The following CHD9 variants were observed in gnomAD, a reference collection of about 807,000 sequenced individuals.
CHD9 encodes the protein ATP-dependent chromatin remodeler CHD9.
Under a neutral mutation model 316.1 loss-of-function variants are expected in CHD9, and 77 were observed. The ratio of observed to expected loss-of-function variants is 0.24; its 90% CI spans 0.20 to 0.29. The LOEUF is 0.29. Among genes scored for constraint, CHD9 ranks in the 10% least tolerant of loss-of-function variants. CHD9 has a pLI of 1.00. For missense variants in CHD9, 2,763 were observed against 3,438.1 expected, an observed-to-expected ratio of 0.80 and a Z score of 4.91; for synonymous variants, 1,129 against 1,158.3, an observed-to-expected ratio of 0.97 and a Z score of 0.51.
intron 2 of CHD9, among the ~76,000 whole-genome samples, chr16:53,175,522 T>TC (rs1345730225): frequency 6.6e-6 from 1 of 152,240 alleles, no homozygotes; most frequent in Non-Finnish European, 1.5e-5. Flanking sequence ...TCCCTATTAC[T>TC]CCATCTTGGC....
chr16:53,210,121 A>G (rs1050896176), intron 3 of CHD9, among the ~76,000 whole-genome samples: 2 of 152,136 alleles, frequency 1.3e-5, no homozygotes, highest in Non-Finnish European at 2.9e-5. Context: ...TGAAATCCAT[A>G]TTGCTGTGCC....
In CHD9 at chr16:53,307,675, T is replaced by C. The variant is rs769472382; in HGVS notation, c.6781-6T>C. On this transcript the variant is annotated splice_region_variant and splice_polypyrimidine_tract_variant and intron_variant, in intron 32 of 38. Coordinates refer to ENST00000447540, the MANE Select transcript of CHD9 (RefSeq NM_001308319.2). ...AATTACACTTTGATGTTGCACGCTT[T>C]TCTAGGATCGTGTGATGATCAATAG... 1.3e-6 allele frequency: 2 copies of C among 1,596,012 alleles called. No individual in the cohort carries two copies. Among genetic ancestry groups the C allele is most frequent in the Admixed American group, 3.5e-5 (2 of 56,954 alleles).
intron 33 of CHD9, among the ~76,000 whole-genome samples, chr16:53,308,231 A>G (rs1281340739): frequency 6.6e-6 from 1 of 152,162 alleles, no homozygotes; most frequent in African/African-American, 2.4e-5. Flanking sequence ...GTTCTTTTAT[A>G]TAGTATTTAA....
At chr16:53,101,061 C>G (rs1346464145) in intron 1 of CHD9, among the ~76,000 whole-genome samples, 3 of 152,158 alleles carry the variant, frequency 2.0e-5, no homozygotes, top group Non-Finnish European at 2.9e-5. Flanking sequence ...GGTGTGTTCA[C>G]AAGTGTAAAT....
chr16:53,319,657 C>A (rs1002370477), intron 37 of CHD9, among the ~76,000 whole-genome samples: 2 of 152,050 alleles, frequency 1.3e-5, no homozygotes, highest in Non-Finnish European at 2.9e-5. Flanking sequence ...TTTGTCTTAG[C>A]CAATTTTAAG....
At chr16:53,320,968 T>C (rs928095227) in intron 37 of CHD9, among the ~76,000 whole-genome samples, 11 of 152,134 alleles carry the variant, frequency 7.2e-5, no homozygotes, top group African/African-American at 2.7e-4. Flanking sequence ...GTTTGAAAAA[T>C]AGAAATAATA....
chr16:53,095,466 T>C (rs1431903392), intron 1 of CHD9, among the ~76,000 whole-genome samples: 3 of 151,976 alleles, frequency 2.0e-5, no homozygotes, highest in Non-Finnish European at 4.4e-5. Flanking sequence ...GGAGGATTGC[T>C]TGAGCCCAGG....
chr16:53,208,370 GGGA>G (rs1224565501), intron 2 of CHD9: 1 of 1,278,362 alleles, frequency 7.8e-7, no homozygotes, highest in Non-Finnish European at 1.0e-6. Flanking sequence ...CTGAATGAGT[GGGA>G]GGAGGAGGGG....
chr16:53,072,440 C>A (rs952811216), intron 1 of CHD9, among the ~76,000 whole-genome samples: 1 of 134,102 alleles, frequency 7.5e-6, no homozygotes, highest in Non-Finnish European at 1.5e-5. Context: ...TGCTCTGTTG[C>A]TCAGGCTAGA....
chr16:53,257,081 G>C (rs1474991919), intron 19 of CHD9, among the ~76,000 whole-genome samples: 1 of 152,136 alleles, frequency 6.6e-6, no homozygotes, highest in Non-Finnish European at 1.5e-5. Context: ...CCTTTGCAAA[G>C]AAAAGAACAT....
chr16:53,104,972 C>T (rs1296831594), intron 1 of CHD9, among the ~76,000 whole-genome samples: 1 of 150,780 alleles, frequency 6.6e-6, no homozygotes, highest in African/African-American at 2.4e-5. Flanking sequence ...TAGCTAAGAC[C>T]ATGACTGGCT....
intron 1 of CHD9, among the ~76,000 whole-genome samples, chr16:53,146,415 G>GTGTATA (rs1224485632): frequency 0.011 from 702 of 64,406 alleles, 27 homozygotes; most frequent in African/African-American, 0.034. Context: ...GTGTGTGTGT[G>GTGTATA]TATGTATATA....
rs201575315 is a variant in CHD9, at chr16:53,140,878, T to C, written c.-164-15048T>C. Among the ~76,000 whole-genome samples the C allele has an allele frequency of 6.6e-5, 10 of 152,206 alleles. No homozygotes were observed. In the East Asian group the frequency reaches 1.9e-3, roughly 29 times the overall value. On this transcript the variant is annotated intron_variant, in intron 1 of 38. Coordinates refer to ENST00000447540, the MANE Select transcript of CHD9 (RefSeq NM_001308319.2). ...GTGGAGATTATGTTTTTAAGAGTTT[T>C]CCTTTCTGTGACATGCAAAGCAAGA...
chr16:53,226,819 A>C (rs1404181473), intron 5 of CHD9, among the ~76,000 whole-genome samples: 2 of 151,860 alleles, frequency 1.3e-5, no homozygotes, highest in Non-Finnish European at 2.9e-5. Flanking sequence ...TCTACTGAAA[A>C]CTCCTCTAAT....
intron 2 of CHD9, among the ~76,000 whole-genome samples, chr16:53,173,718 G>A (rs898052934): frequency 1.3e-5 from 2 of 151,740 alleles, no homozygotes; most frequent in African/African-American, 4.8e-5. Flanking sequence ...CTAATTTTTT[G>A]TATTTTTAGT....
intron 1 of CHD9, among the ~76,000 whole-genome samples, chr16:53,122,881 T>G (rs950895122): frequency 2.0e-5 from 3 of 151,526 alleles, no homozygotes; most frequent in Admixed American, 2.0e-4. Context: ...TAATTTTTTT[T>G]TTTTTTTTGT....
intron 2 of CHD9, among the ~76,000 whole-genome samples, chr16:53,184,299 T>C (rs111328034): frequency 3.9e-5 from 6 of 152,118 alleles, no homozygotes; most frequent in Non-Finnish European, 5.9e-5. Flanking sequence ...AGGATACATA[T>C]GTATGTGTTT....
intron 12 of CHD9, among the ~76,000 whole-genome samples, chr16:53,239,317 G>C (rs1017694359): frequency 6.6e-6 from 1 of 152,050 alleles, no homozygotes; most frequent in African/African-American, 2.4e-5. Flanking sequence ...AGGCATGGTG[G>C]CTCACACTTA....
intron 12 of CHD9, 56 bp from the exon 13 acceptor site, chr16:53,242,784 A>T: frequency 6.7e-7 from 1 of 1,488,122 alleles, no homozygotes; most frequent in South Asian, 1.2e-5. Flanking sequence ...CTTGACAGGA[A>T]TAAAAAATAT....
Sources: allele counts gnomAD v4.1 joint callset (sites outside exome capture counted in the v4.1 genomes callset), GRCh38; gene constraint gnomAD v4.1.1; transcripts MANE v1.5; gene names NCBI Gene and HGNC (gene_info 2026-07-23, HGNC 2026-07-21).